The following ARHGEF10 variants were observed in gnomAD, a reference collection of about 807,000 sequenced individuals.
The protein encoded by ARHGEF10 is Rho guanine nucleotide exchange factor 10, also known as Rho guanine nucleotide exchange factor (GEF) 10.
In ARHGEF10, 140 loss-of-function variants were observed where a neutral mutation model predicts 147.4. The ratio of observed to expected loss-of-function variants is 0.95; its 90% confidence interval spans 0.83 to 1.09. The LOEUF is 1.09. Among genes scored for constraint, ARHGEF10 ranks in the 50% least tolerant of loss-of-function variants. ARHGEF10 has a pLI of 0.00. For synonymous variants in ARHGEF10, 902 were observed against 695.8 expected (o/e 1.30, Z -4.67); for missense variants, 2,222 against 1,752.7 (o/e 1.27, Z -4.78).
intron 11 of ARHGEF10, among the ~76,000 whole-genome samples, chr8:1,888,897 T>TGGGG (rs1809089982): frequency 1.6e-5 from 2 of 124,828 alleles, no homozygotes; most frequent in African/African-American, 7.2e-5. Flanking sequence ...AGACACTGAG[T>TGGGG]TGGGTGAGGG....
In ARHGEF10 at chr8:1,945,496, C is replaced by T. The variant is rs1423841777; in HGVS notation, c.3238C>T (p.His1080Tyr). ...THAVEGQLEA[H>Y]QEEGMVISHM... ...GATTTCACAGGGTCAGCTGGAGGCC[C>T]ACCAGGAGGAAGGCATGGTGATCTC... The change falls in exon 27 of 29, where the codon CAC becomes TAC. Residue 1080 changes from histidine to tyrosine, a missense_variant. Coordinates refer to ENST00000349830, the MANE Select transcript of ARHGEF10 (RefSeq NM_014629.4). 1 of 1,605,784 alleles carries T rather than the reference C, an allele frequency of 6.2e-7. No individual in the cohort carries two copies. The highest frequency in any genetic ancestry group is 8.5e-7 in the Non-Finnish European group (1 of 1,176,058).
At chr8:1,840,569 A>G (rs1803952507) in intron 1 of ARHGEF10, among the ~76,000 whole-genome samples, 1 of 143,846 alleles carries the variant, frequency 7.0e-6, no homozygotes, top group Non-Finnish European at 1.5e-5. Flanking sequence ...TGATATGGGG[A>G]CTGTCTGGTG....
intron 1 of ARHGEF10, among the ~76,000 whole-genome samples, chr8:1,830,695 G>C (rs1803044320): frequency 1.3e-5 from 2 of 152,200 alleles, no homozygotes; most frequent in African/African-American, 4.8e-5. Flanking sequence ...CTTGTCTTCA[G>C]GAAAGATGAT....
At chr8:1,890,242 G>T (rs904385656) in intron 11 of ARHGEF10, among the ~76,000 whole-genome samples, 1 of 135,398 alleles carries the variant, frequency 7.4e-6, no homozygotes, top group African/African-American at 2.8e-5. Context: ...GGTTTGTGAG[G>T]AGGCACTGAG....
chr8:1,913,682 C>T (rs1407112481), intron 18 of ARHGEF10, among the ~76,000 whole-genome samples: 2 of 152,334 alleles, frequency 1.3e-5, no homozygotes, highest in African/African-American at 4.8e-5. Flanking sequence ...GCCGCTGCCT[C>T]CCTGTGTGTT....
At chr8:1,831,566 A>ATTCGTGGAGGGACAGTGTGACG (rs1803111962) in intron 1 of ARHGEF10, among the ~76,000 whole-genome samples, 1 of 139,512 alleles carries the variant, frequency 7.2e-6, no homozygotes, top group Admixed American at 7.1e-5. Context: ...ACAGTGTGAC[A>ATTCGTGGAGGGACAGTGTGACG]TCCGTGGAGG....
At chr8:1,843,297 T>C (rs1563163790) in intron 1 of ARHGEF10, 56 bp from the exon 2 acceptor site, 13 of 1,392,446 alleles carry the variant, frequency 9.3e-6, no homozygotes, top group East Asian at 4.7e-5. Flanking sequence ...CCTACACCTA[T>C]TGAGTGCATG....
chr8:1,864,276 T>C (rs1049556843), intron 4 of ARHGEF10, 97 bp from the exon 5 acceptor site: 18 of 1,220,962 alleles, frequency 1.5e-5, no homozygotes, highest in African/African-American at 4.5e-5. Context: ...CTCTGATTGA[T>C]AGGAAAGTGT....
Position 1,948,803 on chromosome 8 carries a change from A to G in ARHGEF10, c.3397+3148A>G, listed in dbSNP as rs546834310. On this transcript the variant is annotated intron_variant, in intron 27 of 28. Transcript: ENST00000349830. This position sits in a 1 kb window ranked among gnomAD's most constrained non-coding sequence, Gnocchi z 4.9. The stretch of plus-strand genomic sequence containing the variant: ...ATAGAAATAAGCATTATTGCATTTC[A>G]TGCTGTATTTAGACATTCCGGTGGG... Among the ~76,000 whole-genome samples, 1 of 152,186 alleles carries G rather than the reference A, an allele frequency of 6.6e-6. No individual in the cohort carries two copies. The highest frequency in any genetic ancestry group is 1.5e-5 in the Non-Finnish European group (1 of 68,044).
At chr8:1,834,555 G>C (rs1200518476) in intron 1 of ARHGEF10, among the ~76,000 whole-genome samples, 2 of 152,174 alleles carry the variant, frequency 1.3e-5, no homozygotes, top group Non-Finnish European at 2.9e-5. Flanking sequence ...CCGAGTCTTA[G>C]AGAAGAAGGT....
Position 1,885,628 on chromosome 8 carries a change from A to G in ARHGEF10, c.1103A>G (p.Gln368Arg), listed in dbSNP as rs1331564333. The change falls in exon 11 of 29, where the codon CAG becomes CGG. Residue 368 changes from glutamine (Q) to arginine (R), a missense_variant. Physicochemically the swap from Gln to Arg is conservative, Grantham distance 43. Transcript: ENST00000349830. Reference protein sequence around the residue: ...QDHRSSLEEEQNLFIDVDCKH... With the variant: ...QDHRSSLEEERNLFIDVDCKH... ...CACAGATCTTCTCTTGAGGAAGAAC[A>G]GAATTTGTTCATTGATGTTGACTGC... The G allele has an allele frequency of 5.0e-6, 8 of 1,613,908 alleles. No homozygotes were observed. Among genetic ancestry groups the G allele is most frequent in the Non-Finnish European group, 6.8e-6 (8 of 1,179,914 alleles).
chr8:1,879,603 A>C (rs1016622998), intron 8 of ARHGEF10, among the ~76,000 whole-genome samples: 1 of 149,516 alleles, frequency 6.7e-6, no homozygotes, highest in Non-Finnish European at 1.5e-5. Context: ...GCCAGGCTGG[A>C]GGGCAGTGGC....
chr8:1,842,898 A>C (rs10100169), intron 1 of ARHGEF10, among the ~76,000 whole-genome samples: 63,431 of 152,030 alleles, frequency 0.42, 14,232 homozygotes, highest in Non-Finnish European at 0.51. Flanking sequence ...AGAGGGCCCT[A>C]AGCACCACGC....
rs376174107 is a variant in ARHGEF10, at chr8:1,909,288, G to A, written c.1968-7G>A. The A allele has an allele frequency of 3.2e-5, 52 of 1,614,108 alleles. No homozygotes were observed. Among genetic ancestry groups the A allele is most frequent in the Non-Finnish European group, 4.1e-5 (48 of 1,180,052 alleles). On this transcript the variant is annotated splice_region_variant and splice_polypyrimidine_tract_variant and intron_variant, in intron 17 of 28. Transcript: ENST00000349830. ...TTCGTAAAACAAGGATCTTTTGGTC[G>A]TTTCAGCCCCTCTCATGACAGCCGT... is the stretch of plus-strand genomic sequence containing the variant.
In ARHGEF10 at chr8:1,869,227, G is replaced by C; in HGVS notation, c.656G>C (p.Arg219Thr). 3 of 1,614,052 alleles carry C rather than the reference G, an allele frequency of 1.9e-6. No homozygotes were observed. Among genetic ancestry groups the C allele is most frequent in the Non-Finnish European group, 2.5e-6 (3 of 1,179,932 alleles). The change falls in exon 7 of 29, where the codon AGG (arginine) becomes ACG (threonine). Residue 219 changes from arginine to threonine, a missense_variant. Arg to Thr is a moderately conservative substitution (Grantham distance 71). Transcript: ENST00000349830. Reference protein sequence around the residue: ...PEEAIYDDVPRENSDSEPDEM... With the variant: ...PEEAIYDDVPTENSDSEPDEM... ...GAAGCAATTTACGATGACGTTCCAAGGGAAAACTCAGACTCTGAACCAGGT... is the reference window on the plus strand; with the variant it reads ...GAAGCAATTTACGATGACGTTCCAACGGAAAACTCAGACTCTGAACCAGGT...
chr8:1,823,640 C>G (rs1027793358), upstream of ARHGEF10, among the ~76,000 whole-genome samples: 4 of 151,784 alleles, frequency 2.6e-5, no homozygotes, highest in East Asian at 5.9e-4. Context: ...GGCACTCGGT[C>G]TGCCCAGCGA....
intron 17 of ARHGEF10, among the ~76,000 whole-genome samples, 185 bp downstream of exon 17, chr8:1,905,901 G>C: frequency 6.6e-6 from 1 of 152,158 alleles, no homozygotes. Flanking sequence ...TTCAGTGTAA[G>C]TCACCAAGTC....
At position 1,921,735 on chromosome 8, in the gene ARHGEF10, CAAAAAA is replaced by C. The variant is rs35271403; in HGVS notation, c.2144-1225_2144-1220del. Among the ~76,000 whole-genome samples, 10 of 149,548 alleles carry C rather than the reference CAAAAAA, an allele frequency of 6.7e-5. No homozygotes were observed. In the South Asian group the frequency reaches 2.1e-3, roughly 32 times the overall value. ...GGGGGACAAGAGCGACACTTCGTCT[CAAAAAA>C]AAAGAAAAAAGAAAAAACAGAATTT... On this transcript the variant is annotated intron_variant, in intron 18 of 28. Coordinates refer to ENST00000349830, the MANE Select transcript of ARHGEF10 (RefSeq NM_014629.4).
At chr8:1,884,071 G>A (rs1808439168) in intron 10 of ARHGEF10, among the ~76,000 whole-genome samples, 1 of 152,266 alleles carries the variant, frequency 6.6e-6, no homozygotes, top group Admixed American at 6.5e-5. Flanking sequence ...CTCTTTTGCG[G>A]GTCAGTTGTA....
Sources: allele counts gnomAD v4.1 joint callset (sites outside exome capture counted in the v4.1 genomes callset), GRCh38; gene constraint gnomAD v4.1.1; non-coding constraint Gnocchi (gnomAD v3.1); transcripts MANE v1.5; gene names NCBI Gene and HGNC (gene_info 2026-07-23, HGNC 2026-07-21).